The following ADGRG1 variants were observed in gnomAD, a reference collection of about 807,000 sequenced individuals.
ADGRG1 encodes adhesion G protein-coupled receptor G1.
Under a neutral mutation model 73.5 loss-of-function variants are expected in ADGRG1, and 53 were observed. The observed-to-expected ratio is 0.72, with a 90% confidence interval of 0.58 to 0.91. The LOEUF (loss-of-function observed/expected upper bound fraction) is 0.91. Ranked by LOEUF, ADGRG1 falls within the 40% of genes least tolerant of loss-of-function variation. ADGRG1 has a pLI of 0.00. For missense variants in ADGRG1, 795 were observed against 871.8 expected (o/e 0.91, Z 1.11); for synonymous variants, 394 against 374.4 (o/e 1.05, Z -0.60).
At position 57,661,733 on chromosome 16, in the gene ADGRG1, C is replaced by T; in HGVS notation, c.1701C>T (p.Thr567=). Residue 567 remains threonine (T), a synonymous_variant, in exon 13 of 14, where the codon ACC becomes ACT. Transcript: ENST00000562631. ...GGGACTCCCTGGTCAGCTACATCAC[C>T]AACCTGGGCCTCTTCAGCCTGGTGT... The part of the protein sequence containing the change: ...WIRDSLVSYI[T]NLGLFSLVFL... 6.2e-7 allele frequency: 1 copy of T among 1,614,104 alleles called. No individual in the cohort carries two copies. The highest frequency in any genetic ancestry group is 8.5e-7 in the Non-Finnish European group (1 of 1,179,986).
chr16:57,632,322 C>T lies in ADGRG1; in HGVS notation c.-36+3520C>T. 5.1e-6 allele frequency: 5 copies of T among 985,380 alleles called. 1 individual carries two copies. In the South Asian group the frequency reaches 2.3e-4, roughly 46 times the overall value. The allele number at this position is 985,380 out of a possible 1,614,324, so 61.0% of individuals were successfully genotyped here. Reference sequence around the variant, plus strand: ...CAAGGGTGGCTTGCCCAGGGAGAATCTTGGCTTTGTTTCTCTCTGGTTGTG... The same window carrying T: ...CAAGGGTGGCTTGCCCAGGGAGAATTTTGGCTTTGTTTCTCTCTGGTTGTG... On this transcript the variant is annotated intron_variant, in intron 1 of 13. Coordinates refer to ENST00000562631, the MANE Select transcript of ADGRG1 (RefSeq NM_201525.4).
At position 57,663,622 on chromosome 16, in the gene ADGRG1, G is replaced by A. The variant is rs767463133; in HGVS notation, c.*40G>A. 163 of 1,601,588 alleles carry A rather than the reference G, an allele frequency of 1.0e-4. No individual in the cohort carries two copies. The highest frequency in any genetic ancestry group is 6.8e-4 in the Admixed American group (41 of 59,968). ...TGCCCATGTGATGAAGCAGAGATTCGGCCTCGTCGCACACTGCCTGTGGCC... is the reference window on the plus strand; with the variant it reads ...TGCCCATGTGATGAAGCAGAGATTCAGCCTCGTCGCACACTGCCTGTGGCC... On this transcript the variant is annotated 3_prime_UTR_variant, in exon 14 of 14. Coordinates refer to ENST00000562631, the MANE Select transcript of ADGRG1 (RefSeq NM_201525.4).
chr16:57,658,152 GC>G (rs1413516525), intron 10 of ADGRG1, among the ~76,000 whole-genome samples: 2 of 152,184 alleles, frequency 1.3e-5, no homozygotes, highest in Non-Finnish European at 2.9e-5. Flanking sequence ...TTTCATTTCT[GC>G]CTTTGAATAA....
At chr16:57,652,343 C>T (rs1398984930) in intron 3 of ADGRG1, among the ~76,000 whole-genome samples, 5 of 151,902 alleles carry the variant, frequency 3.3e-5, no homozygotes, top group African/African-American at 1.2e-4. Context: ...TTTCCAGCAC[C>T]TCAAGTTTGA....
chr16:57,660,254 C>G, intron 11 of ADGRG1: 1 of 985,354 alleles, frequency 1.0e-6, no homozygotes. Flanking sequence ...TGCTGCTCTT[C>G]GCGGGTTTGT....
At chr16:57,624,083 A>G (rs1177300732), upstream of ADGRG1, 20 of 425,184 alleles carry the variant, frequency 4.7e-5, no homozygotes, top group African/African-American at 3.9e-4. Flanking sequence ...TCATAATAAT[A>G]ATGATGTTGG....
At chr16:57,657,120 C>G (rs1472645916) in intron 9 of ADGRG1, among the ~76,000 whole-genome samples, 3 of 152,238 alleles carry the variant, frequency 2.0e-5, no homozygotes, top group Admixed American at 6.5e-5. Context: ...AATGCCAGGA[C>G]AGAATAGGGG....
intron 1 of ADGRG1, chr16:57,648,335 C>T (rs1471900921): frequency 2.4e-6 from 1 of 423,014 alleles, no homozygotes; most frequent in Non-Finnish European, 3.2e-6. Flanking sequence ...AATCAAAATG[C>T]TTACAAATCA....
chr16:57,662,929 A>AGTTG (rs2148644109), intron 13 of ADGRG1: 2 of 985,248 alleles, frequency 2.0e-6, no homozygotes, highest in South Asian at 9.4e-5. Flanking sequence ...GGGAGCTGGG[A>AGTTG]GTTGGTGGTG....
intron 1 of ADGRG1, chr16:57,636,613 A>T (rs1478799849): frequency 1.0e-6 from 1 of 984,510 alleles, no homozygotes; most frequent in East Asian, 1.1e-4. Context: ...GATCTTCTAG[A>T]TCTTCTATCA....
chr16:57,640,727 G>C, intron 1 of ADGRG1: 2 of 202,148 alleles, frequency 9.9e-6, no homozygotes, highest in Non-Finnish European at 1.8e-5. Flanking sequence ...CTACTTAGTA[G>C]GGGAGGGTGC....
chr16:57,628,378 G>A, upstream of ADGRG1: 1 of 408,130 alleles, frequency 2.5e-6, no homozygotes, highest in Non-Finnish European at 3.3e-6. Flanking sequence ...GCCCCTTCCT[G>A]TCCCTGAACA....
intron 1 of ADGRG1, chr16:57,639,430 C>A (rs1041930431): frequency 5.6e-5 from 55 of 985,480 alleles, no homozygotes; most frequent in Non-Finnish European, 6.1e-5. Flanking sequence ...CCCCTTCTCC[C>A]GCGCTGGCGG....
At chr16:57,638,939 G>A (rs147019753) in intron 1 of ADGRG1, among the ~76,000 whole-genome samples, 12,073 of 151,966 alleles carry the variant, frequency 0.079, 916 homozygotes, top group African/African-American at 0.19. Context: ...GCATGGTGGT[G>A]GGCACCTGTA....
intron 1 of ADGRG1, chr16:57,629,082 G>T (rs1169645250): frequency 1.5e-6 from 1 of 681,916 alleles, no homozygotes; most frequent in African/African-American, 1.9e-5. Flanking sequence ...GAGTGTGGGA[G>T]TGTATGTGAG....
At chr16:57,624,434 G>A (rs574897609), upstream of ADGRG1, among the ~76,000 whole-genome samples, 1 of 152,290 alleles carries the variant, frequency 6.6e-6, no homozygotes, top group South Asian at 2.1e-4. Flanking sequence ...CCAGGAGATT[G>A]AGGCTGTAGA....
chr16:57,627,118 G>A (rs768021797), upstream of ADGRG1: 19 of 312,924 alleles, frequency 6.1e-5, no homozygotes, highest in Non-Finnish European at 6.9e-5. Context: ...TGCACCCCAC[G>A]GGGTGGCTTT....
chr16:57,649,862 C>T (rs2043608742), intron 1 of ADGRG1, among the ~76,000 whole-genome samples: 1 of 152,158 alleles, frequency 6.6e-6, no homozygotes, highest in South Asian at 2.1e-4. Flanking sequence ...ACTGCAGCCT[C>T]GACCTCCTGG....
At chr16:57,623,221 C>G (rs1276912142), upstream of ADGRG1, 13 of 985,156 alleles carry the variant, frequency 1.3e-5, no homozygotes, top group Non-Finnish European at 1.6e-5. Flanking sequence ...TCACCTGCTC[C>G]AAGTCTAGAA....
Sources: allele counts gnomAD v4.1 joint callset (sites outside exome capture counted in the v4.1 genomes callset), GRCh38; gene constraint gnomAD v4.1.1; transcripts MANE v1.5; gene names NCBI Gene and HGNC (gene_info 2026-07-23, HGNC 2026-07-21).